The following RBMS2 variants were observed in gnomAD, a reference collection of about 807,000 sequenced individuals.
RBMS2 encodes the protein RNA binding motif single stranded interacting protein 2.
In RBMS2, 38 loss-of-function variants were observed where a neutral mutation model predicts 58.4. The observed-to-expected ratio is 0.65, with a 90% CI of 0.50 to 0.85. RBMS2 has a LOEUF of 0.85. Ranked by LOEUF, RBMS2 falls within the 40% of genes least tolerant of loss-of-function variation. The pLI is 0.00. For synonymous variants in RBMS2, 151 were observed against 180.7 expected (o/e 0.84, Z 1.32); for missense variants, 367 against 503.7 (o/e 0.73, Z 2.60).
chr12:56,580,936 A>G (rs1442926390), intron 5 of RBMS2, among the ~76,000 whole-genome samples: 5 of 152,216 alleles, frequency 3.3e-5, no homozygotes, highest in African/African-American at 1.2e-4. Context: ...GGCCCATGTT[A>G]ATAGTCTGAA....
At chr12:56,571,629 G>A (rs531369028) in intron 4 of RBMS2, 69 bp from the exon 5 acceptor site, 3 of 1,392,756 alleles carry the variant, frequency 2.2e-6, no homozygotes, top group South Asian at 3.4e-5. Context: ...AATGTCATTT[G>A]TGGGGAGGGC....
chr12:56,557,816 G>A (rs1163518740), intron 1 of RBMS2, among the ~76,000 whole-genome samples: 2 of 147,984 alleles, frequency 1.4e-5, no homozygotes, highest in South Asian at 2.1e-4. Flanking sequence ...TCAGCTCACC[G>A]CAACCTCTGC....
chr12:56,562,877 C>T (rs1880680350), intron 2 of RBMS2, among the ~76,000 whole-genome samples: 1 of 152,226 alleles, frequency 6.6e-6, no homozygotes, highest in Non-Finnish European at 1.5e-5. Context: ...AATCCCAGCA[C>T]TTTGGGAGGC....
At chr12:56,578,299 T>G (rs1883439172) in intron 5 of RBMS2, among the ~76,000 whole-genome samples, 1 of 152,002 alleles carries the variant, frequency 6.6e-6, no homozygotes, top group Non-Finnish European at 1.5e-5. Context: ...CAGCTAATTT[T>G]TGTATTTTTA....
chr12:56,566,879 T>C (rs1881437667), intron 2 of RBMS2, among the ~76,000 whole-genome samples: 1 of 152,092 alleles, frequency 6.6e-6, no homozygotes, highest in Admixed American at 6.6e-5. Flanking sequence ...GTCAAAGATT[T>C]TTATAACTCA....
intron 1 of RBMS2, among the ~76,000 whole-genome samples, chr12:56,544,554 A>G (rs918817084): frequency 3.2e-4 from 48 of 152,012 alleles, no homozygotes; most frequent in Non-Finnish European, 4.4e-5. Flanking sequence ...AGATAGTTTT[A>G]GTGGTTGGAA....
chr12:56,539,672 T>C (rs1195706223), intron 1 of RBMS2: 1 of 454,024 alleles, frequency 2.2e-6, no homozygotes, highest in South Asian at 1.6e-5. Context: ...TACTGTTCTT[T>C]TATTTTTTTT....
At chr12:56,571,479 G>A (rs1882283913) in intron 4 of RBMS2, among the ~76,000 whole-genome samples, 1 of 152,062 alleles carries the variant, frequency 6.6e-6, no homozygotes, top group Admixed American at 6.6e-5. Context: ...TTGTATGATG[G>A]GCTTGTATAG....
intron 1 of RBMS2, among the ~76,000 whole-genome samples, chr12:56,547,979 C>G (rs937169112): frequency 6.6e-6 from 1 of 151,998 alleles, no homozygotes; most frequent in Non-Finnish European, 1.5e-5. Context: ...AGATTGTAAG[C>G]TCTAGTTTGT....
intron 11 of RBMS2, 147 bp from the exon 12 acceptor site, chr12:56,588,147 G>A (rs1884933339): frequency 1.5e-6 from 1 of 654,214 alleles, no homozygotes; most frequent in Non-Finnish European, 2.7e-6. Context: ...ACCACCTGAA[G>A]TGCTTTTAAG....
chr12:56,574,027 G>T (rs1331909025), intron 5 of RBMS2, among the ~76,000 whole-genome samples: 1 of 152,154 alleles, frequency 6.6e-6, no homozygotes, highest in Non-Finnish European at 1.5e-5. Context: ...TTTTAGTAAA[G>T]ATGTGGTTTC....
chr12:56,542,547 T>C (rs1441587654), intron 1 of RBMS2, among the ~76,000 whole-genome samples: 2 of 148,346 alleles, frequency 1.3e-5, no homozygotes, highest in Non-Finnish European at 3.0e-5. Flanking sequence ...TTTTTTCTTG[T>C]TTTTCTTTTT....
intron 2 of RBMS2, among the ~76,000 whole-genome samples, chr12:56,566,641 A>C (rs1881391243): frequency 6.6e-6 from 1 of 152,162 alleles, no homozygotes; most frequent in Non-Finnish European, 1.5e-5. Context: ...AACATGGTGA[A>C]ACACCATCTC....
intron 1 of RBMS2, among the ~76,000 whole-genome samples, chr12:56,534,962 A>ACT (rs1225823131): frequency 1.3e-5 from 2 of 152,142 alleles, no homozygotes; most frequent in Non-Finnish European, 2.9e-5. Flanking sequence ...TTATTTCTTA[A>ACT]CTTTCATCTT....
At chr12:56,538,473 T>A (rs1875388145) in intron 1 of RBMS2, among the ~76,000 whole-genome samples, 3 of 21,924 alleles carry the variant, frequency 1.4e-4, no homozygotes, top group South Asian at 9.8e-4. Flanking sequence ...TATCTTTTTT[T>A]TTTTTTTTTT....
chr12:56,544,784 G>A (rs572562070), intron 1 of RBMS2, among the ~76,000 whole-genome samples: 1 of 114,568 alleles, frequency 8.7e-6, no homozygotes, highest in Non-Finnish European at 1.7e-5. Flanking sequence ...TGTAGAGCTG[G>A]GACTTTGCCG....
At chr12:56,560,934 G>C (rs940709171) in intron 1 of RBMS2, among the ~76,000 whole-genome samples, 1 of 152,038 alleles carries the variant, frequency 6.6e-6, no homozygotes, top group Non-Finnish European at 1.5e-5. Flanking sequence ...CCCTCAGACA[G>C]ACCCCAGTGT....
intron 1 of RBMS2, among the ~76,000 whole-genome samples, chr12:56,542,322 C>A (rs1174482277): frequency 6.6e-6 from 1 of 151,922 alleles, no homozygotes; most frequent in Non-Finnish European, 1.5e-5. Context: ...ACCTTGGCCT[C>A]CCAAAATTCT....
At chr12:56,580,178 G>A (rs774187126) in intron 5 of RBMS2, 14 of 353,942 alleles carry the variant, frequency 4.0e-5, no homozygotes, top group Non-Finnish European at 6.0e-5. Flanking sequence ...TGATCCGCCC[G>A]CCTCAGCCTC....
Sources: gnomAD v4.1 joint callset for allele counts (sites outside exome capture counted in the v4.1 genomes callset) on GRCh38, gnomAD v4.1.1 for gene constraint, MANE v1.5 for transcripts, NCBI Gene and HGNC (gene_info 2026-07-23, HGNC 2026-07-21) for gene names.